Variants in ACP3 observed in about 807,000 individuals in gnomAD.
ACP3 encodes acid phosphatase 3, also known as prostatic acid phosphatase.
In ACP3, 38 loss-of-function variants were observed where a neutral mutation model predicts 45.6. That is an observed-to-expected ratio of 0.83 (90% CI 0.64 to 1.09). ACP3 has a LOEUF of 1.09. Ranked by LOEUF, ACP3 falls within the 50% of genes least tolerant of loss-of-function variation. ACP3 has a pLI of 0.00. For synonymous variants in ACP3, 162 were observed against 164.7 expected, an observed-to-expected ratio of 0.98 and a Z score of 0.13; for missense variants, 466 against 463.2, an observed-to-expected ratio of 1.01 and a Z score of -0.05.
chr3:132,357,017 A>G lies in ACP3; in HGVS notation c.*139A>G. Reference sequence around the variant, plus strand: ...TTATTTTATGTTTTAGGGACCCCCAACCTCAGGCAATTCCTACCTCTTCAC... The same window carrying G: ...TTATTTTATGTTTTAGGGACCCCCAGCCTCAGGCAATTCCTACCTCTTCAC... On this transcript the variant is annotated 3_prime_UTR_variant, in exon 10 of 10. Transcript: ENST00000336375. The G allele has an allele frequency of 7.2e-7, 1 of 1,393,048 alleles. No individual in the cohort carries two copies. Among genetic ancestry groups the G allele is most frequent in the South Asian group, 1.7e-5 (1 of 57,232 alleles). The allele number at this position is 1,393,048 out of a possible 1,614,324, so 86.3% of individuals were successfully genotyped here. A position where few individuals can be genotyped will look rare whatever the true frequency, so the allele number is the denominator to read the frequency against.
intron 9 of ACP3, among the ~76,000 whole-genome samples, chr3:132,355,486 C>CTTATT (rs71622089): frequency 0.052 from 7,865 of 150,324 alleles, 781 homozygotes; most frequent in East Asian, 0.48. Flanking sequence ...TTTATTTTAT[C>CTTATT]TTATTTTATT....
chr3:132,337,398 A>C (rs1010422867), intron 4 of ACP3, 58 bp from the exon 5 acceptor site: 1 of 1,098,212 alleles, frequency 9.1e-7, no homozygotes, highest in Non-Finnish European at 1.4e-6. Flanking sequence ...TTGCTGCAGC[A>C]TATTTAGCAA....
chr3:132,349,024 C>T (rs1937658213), intron 7 of ACP3, among the ~76,000 whole-genome samples: 1 of 152,058 alleles, frequency 6.6e-6, no homozygotes, highest in Non-Finnish European at 1.5e-5. Context: ...CCCTAACACA[C>T]CCTACTGGTC....
downstream of ACP3, among the ~76,000 whole-genome samples, chr3:132,362,937 T>G (rs1203629620): frequency 6.6e-6 from 1 of 152,190 alleles, no homozygotes; most frequent in Non-Finnish European, 1.5e-5. Flanking sequence ...ACTGGCTTCT[T>G]GTTTTAGGAA....
At chr3:132,335,237 C>T (rs1040729357) in intron 4 of ACP3, among the ~76,000 whole-genome samples, 17 of 152,162 alleles carry the variant, frequency 1.1e-4, no homozygotes, top group South Asian at 2.1e-4. Context: ...TTCGGTATTA[C>T]GCACATGTGA....
chr3:132,365,604 T>C lies in ACP3; in HGVS notation c.1139-2100T>C, dbSNP rs1430055122. Among the ~76,000 whole-genome samples the C allele has an allele frequency of 2.0e-5, 3 of 152,170 alleles. No homozygotes were observed. In the East Asian group the frequency reaches 5.8e-4, roughly 29 times the overall value. ...ATTAGAACTGTAGCTTTTATTCTGATTGAGATGAGCATTCATTGCAGACTT... is the reference window on the plus strand; with the variant it reads ...ATTAGAACTGTAGCTTTTATTCTGACTGAGATGAGCATTCATTGCAGACTT... On this transcript the variant is annotated intron_variant, in intron 10 of 10. Transcript: ENST00000351273.
chr3:132,362,723 A>G (rs895764218), downstream of ACP3, among the ~76,000 whole-genome samples: 2 of 152,234 alleles, frequency 1.3e-5, no homozygotes, highest in Admixed American at 1.3e-4. Context: ...AATGAAGGTG[A>G]GGAGAGAGGA....
At chr3:132,367,432 A>C (rs190367676) in intron 10 of ACP3, among the ~76,000 whole-genome samples, 260 of 152,344 alleles carry the variant, frequency 1.7e-3, no homozygotes, top group Middle Eastern at 0.01. Flanking sequence ...TTAGTGCTAT[A>C]AGAGGACTTA....
intron 7 of ACP3, among the ~76,000 whole-genome samples, chr3:132,346,722 C>T (rs1459564567): frequency 6.6e-6 from 1 of 152,200 alleles, no homozygotes; most frequent in African/African-American, 2.4e-5. Flanking sequence ...GACTCAGTTG[C>T]AAGCCCCATC....
downstream of ACP3, among the ~76,000 whole-genome samples, chr3:132,359,319 T>A (rs368934715): frequency 2.0e-5 from 3 of 152,110 alleles, no homozygotes; most frequent in East Asian, 5.8e-4. Context: ...GAGACCATCC[T>A]GGCTAACACG....
chr3:132,328,679 C>CAAAAAAAAA (rs553521994), intron 2 of ACP3, among the ~76,000 whole-genome samples: 2 of 70,238 alleles, frequency 2.8e-5, no homozygotes, highest in Non-Finnish European at 5.4e-5. Flanking sequence ...AACTCTATCT[C>CAAAAAAAAA]AAAAAAAAAA....
At chr3:132,327,880 G>A (rs750650169) in intron 1 of ACP3, among the ~76,000 whole-genome samples, 2 of 152,010 alleles carry the variant, frequency 1.3e-5, no homozygotes, top group Non-Finnish European at 2.9e-5. Context: ...AAGTACTCTT[G>A]TCAGCTTTGT....
chr3:132,330,738 CT>C (rs1248839650), intron 2 of ACP3, among the ~76,000 whole-genome samples: 1 of 152,138 alleles, frequency 6.6e-6, no homozygotes, highest in Non-Finnish European at 1.5e-5. Context: ...CCGTAACAAC[CT>C]CCTCTCTGGC....
intron 9 of ACP3, 95 bp downstream of exon 9, chr3:132,352,918 G>T: frequency 1.1e-6 from 1 of 878,948 alleles, no homozygotes; most frequent in Non-Finnish European, 1.9e-6. Flanking sequence ...GTTTGTCTTT[G>T]ATTTGGTTTT....
chr3:132,326,666 C>A (rs1363315820), intron 1 of ACP3, among the ~76,000 whole-genome samples: 1 of 152,224 alleles, frequency 6.6e-6, no homozygotes, highest in African/African-American at 2.4e-5. Context: ...GCATCTCCCA[C>A]TTTCTTGGAA....
intron 1 of ACP3, 88 bp from the exon 2 acceptor site, chr3:132,328,179 G>A: frequency 1.0e-6 from 1 of 990,512 alleles, no homozygotes; most frequent in South Asian, 1.7e-5. Context: ...TAAAACCAAT[G>A]AGTTAGAAAA....
chr3:132,352,571 A>T, intron 8 of ACP3, 149 bp from the exon 9 acceptor site: 1 of 614,642 alleles, frequency 1.6e-6, no homozygotes, highest in Non-Finnish European at 2.9e-6. Context: ...CTAATGCTCA[A>T]CCAAAATCTT....
chr3:132,361,761 C>T (rs140634732), downstream of ACP3, among the ~76,000 whole-genome samples: 1 of 152,308 alleles, frequency 6.6e-6, no homozygotes, highest in East Asian at 1.9e-4. Flanking sequence ...GTTCTACTCT[C>T]ACAATCTCAA....
At chr3:132,331,116 T>C (rs1349563180) in intron 2 of ACP3, among the ~76,000 whole-genome samples, 1 of 152,100 alleles carries the variant, frequency 6.6e-6, no homozygotes, top group Non-Finnish European at 1.5e-5. Flanking sequence ...ATTTCTATAA[T>C]GCTTTTAAGT....
Sources: gnomAD v4.1 joint callset for allele counts (sites outside exome capture counted in the v4.1 genomes callset) on GRCh38, gnomAD v4.1.1 for gene constraint, MANE v1.5 for transcripts, NCBI Gene and HGNC (gene_info 2026-07-23, HGNC 2026-07-21) for gene names.